The following DPCD variants were observed in gnomAD, a reference collection of about 807,000 sequenced individuals.
DPCD encodes the protein protein DPCD.
Under a neutral mutation model 26.4 loss-of-function variants are expected in DPCD, and 20 were observed. That is an observed-to-expected ratio of 0.76 (90% CI 0.53 to 1.10). The LOEUF is 1.10. Among genes scored for constraint, DPCD ranks in the 50% least tolerant of loss-of-function variants. The pLI is 0.00. For synonymous variants in DPCD, 97 were observed against 94.2 expected (o/e 1.03, Z -0.17); for missense variants, 202 against 253.9 (o/e 0.80, Z 1.39).
Position 101,597,617 on chromosome 10 carries a change from G to A in DPCD, c.145+2879G>A, listed in dbSNP as rs546577508. ...CACCTCCTTTATATATTCCCCATCAGACTCTTCACCGGGGTGGAAAGTCTC... is the reference window on the plus strand; with the variant it reads ...CACCTCCTTTATATATTCCCCATCAAACTCTTCACCGGGGTGGAAAGTCTC... On this transcript the variant is annotated intron_variant, in intron 2 of 5. Coordinates refer to ENST00000370151, the MANE Select transcript of DPCD (RefSeq NM_015448.3). Among the ~76,000 whole-genome samples the A allele has an allele frequency of 2.0e-3, 310 of 152,334 alleles. 3 individuals are homozygous for A. The highest frequency in any genetic ancestry group is 6.9e-3 in the African/African-American group (286 of 41,564).
intron 5 of DPCD, 194 bp downstream of exon 5, chr10:101,609,131 A>G (rs1421466957): frequency 6.2e-6 from 4 of 647,744 alleles, no homozygotes; most frequent in Non-Finnish European, 1.1e-5. Flanking sequence ...CATATAATTC[A>G]CAGCTAGAAG....
chr10:101,608,765 C>A, intron 4 of DPCD, 70 bp from the exon 5 acceptor site: 1 of 1,014,124 alleles, frequency 9.9e-7, no homozygotes, highest in Non-Finnish European at 1.6e-6. Flanking sequence ...AGCTAGGCAG[C>A]AGAGGGCCTG....
chr10:101,609,328 GT>G, intron 5 of DPCD, 38 bp from the exon 6 acceptor site: 1 of 1,603,836 alleles, frequency 6.2e-7, no homozygotes, highest in Non-Finnish European at 8.5e-7. Context: ...AGATGGGACA[GT>G]GACTGAATTA....
In DPCD at chr10:101,608,865, A is replaced by G; in HGVS notation, c.435A>G (p.Leu145=). The G allele has an allele frequency of 6.2e-7, 1 of 1,613,652 alleles. No homozygotes were observed. The highest frequency in any genetic ancestry group is 8.5e-7 in the Non-Finnish European group (1 of 1,179,804). Residue 145 remains leucine (L), a synonymous_variant, in exon 5 of 6, where the codon CTA becomes CTG. Transcript: ENST00000370151. The stretch of plus-strand genomic sequence containing the variant: ...ACAAGAAGTTCTCCATTCCTGATCT[A>G]GATAGACACCAGCTACCTCTGGATG... ...KYYKKFSIPD[L]DRHQLPLDDA...
At chr10:101,597,446 A>T (rs1564892836) in intron 2 of DPCD, among the ~76,000 whole-genome samples, 1 of 152,206 alleles carries the variant, frequency 6.6e-6, no homozygotes, top group Non-Finnish European at 1.5e-5. Flanking sequence ...AATTATCCAC[A>T]TTGGAAGTGG....
At chr10:101,597,033 C>T (rs920401616) in intron 2 of DPCD, among the ~76,000 whole-genome samples, 2 of 152,130 alleles carry the variant, frequency 1.3e-5, no homozygotes, top group Non-Finnish European at 2.9e-5. Context: ...TCCCACCCCC[C>T]ACAATGATTG....
intron 2 of DPCD, among the ~76,000 whole-genome samples, chr10:101,599,382 G>GA (rs560831339): frequency 4.4e-4 from 67 of 152,210 alleles, no homozygotes; most frequent in African/African-American, 1.5e-3. Context: ...ATTTGTGGGG[G>GA]AAAAAAGTTG....
chr10:101,600,675 G>A lies in DPCD; in HGVS notation c.146-63G>A. 1 of 1,567,930 alleles carries A rather than the reference G, an allele frequency of 6.4e-7. No individual in the cohort carries two copies. The highest frequency in any genetic ancestry group is 8.6e-7 in the Non-Finnish European group (1 of 1,158,460). On this transcript the variant is annotated intron_variant, in intron 2 of 5. Transcript: ENST00000370151. The surrounding 1 kb of genome is among the most constrained non-coding windows in gnomAD (Gnocchi z 4.7). ...CGGTGATTCAGCAGAAAAGAGCAGA[G>A]ACCCTCTCTTCACTCTCATCCTGAT...
At chr10:101,602,083 C>G (rs1433075360) in intron 4 of DPCD, among the ~76,000 whole-genome samples, 2 of 152,172 alleles carry the variant, frequency 1.3e-5, no homozygotes, top group African/African-American at 2.4e-5. Flanking sequence ...AGGGAATGAC[C>G]CTGAAATGAA....
rs1445830765 is a variant in DPCD, at chr10:101,600,250, A to G, written c.146-488A>G. Among the ~76,000 whole-genome samples the G allele has an allele frequency of 6.6e-6, 1 of 151,808 alleles. No homozygotes were observed. Among genetic ancestry groups the G allele is most frequent in the Non-Finnish European group, 1.5e-5 (1 of 67,936 alleles). On this transcript the variant is annotated intron_variant, in intron 2 of 5. Coordinates refer to ENST00000370151, the MANE Select transcript of DPCD (RefSeq NM_015448.3). This position sits in a 1 kb window ranked among gnomAD's most constrained non-coding sequence, Gnocchi z 4.7. ...GTATACCTGAAAAGAGTGAATTTCT[A>G]TATTTGGACTTTCTGAATCATGATA... is the stretch of plus-strand genomic sequence containing the variant.
intron 1 of DPCD, among the ~76,000 whole-genome samples, chr10:101,591,358 G>A (rs2063605517): frequency 6.6e-6 from 1 of 152,132 alleles, no homozygotes; most frequent in African/African-American, 2.4e-5. Context: ...TATTTTATCA[G>A]CCAGGATTTT....
intron 4 of DPCD, among the ~76,000 whole-genome samples, chr10:101,608,248 G>C (rs1168478666): frequency 1.3e-5 from 2 of 152,150 alleles, no homozygotes; most frequent in African/African-American, 4.8e-5. Context: ...TGAGTAACAT[G>C]GTTCGTCCTC....
intron 2 of DPCD, 100 bp downstream of exon 2, chr10:101,594,838 CAAAT>C: frequency 8.8e-7 from 1 of 1,141,636 alleles, no homozygotes; most frequent in Non-Finnish European, 1.3e-6. Flanking sequence ...GAGCCCAGAT[CAAAT>C]GTAGAGGCTG....
rs1207657692 is a variant in DPCD, at chr10:101,605,142, G to A, written c.405-3693G>A. On this transcript the variant is annotated intron_variant, in intron 4 of 5. Transcript: ENST00000370151. ...ATTTGCTTGCTGCTTTTCTAAAGGCGGACTGGTTGGAGGCTTCTCTGGACC... is the reference window on the plus strand; with the variant it reads ...ATTTGCTTGCTGCTTTTCTAAAGGCAGACTGGTTGGAGGCTTCTCTGGACC... The A allele has an allele frequency of 9.0e-6, 14 of 1,550,392 alleles. 1 individual carries two copies. Among genetic ancestry groups the A allele is most frequent in the South Asian group, 3.6e-5 (3 of 84,054 alleles).
At chr10:101,599,210 T>A (rs2063674906) in intron 2 of DPCD, among the ~76,000 whole-genome samples, 1 of 152,204 alleles carries the variant, frequency 6.6e-6, no homozygotes, top group Non-Finnish European at 1.5e-5. Flanking sequence ...GTAGGGTACA[T>A]GGATCTTTTC....
At chr10:101,608,005 T>C (rs1265732795) in intron 4 of DPCD, among the ~76,000 whole-genome samples, 1 of 152,168 alleles carries the variant, frequency 6.6e-6, no homozygotes, top group Admixed American at 6.5e-5. Flanking sequence ...AGATATTTCA[T>C]CTCTCTGAGC....
chr10:101,588,788 G>C (rs2063533568), intron 1 of DPCD: 1 of 618,178 alleles, frequency 1.6e-6, no homozygotes. Flanking sequence ...CTCTAGTTCC[G>C]ACTGTGCCAT....
rs536884510 is a variant in DPCD, at chr10:101,609,447, C to T, written c.588C>T (p.Asn196=). The change falls in exon 6 of 6, where the codon AAC becomes AAT. Residue 196 remains asparagine, a synonymous_variant. Coordinates refer to ENST00000370151, the MANE Select transcript of DPCD (RefSeq NM_015448.3). ...AGAAGGTGAAGACAGCCCACAGCAA[C>T]GATGGGGACTGCAAGACCCAGTAGT... ...ELKKVKTAHS[N]DGDCKTQ is the part of the protein sequence containing the mutation. The T allele has an allele frequency of 2.0e-5, 32 of 1,614,070 alleles. No individual in the cohort carries two copies. The East Asian group carries it at 2.5e-4, about 12-fold the overall frequency.
chr10:101,597,125 T>C (rs2063658363), intron 2 of DPCD, among the ~76,000 whole-genome samples: 1 of 152,186 alleles, frequency 6.6e-6, no homozygotes, highest in African/African-American at 2.4e-5. Context: ...GAACACAGCA[T>C]GTCCAAGGGG....
Sources: allele counts gnomAD v4.1 joint callset (sites outside exome capture counted in the v4.1 genomes callset), GRCh38; gene constraint gnomAD v4.1.1; non-coding constraint Gnocchi (gnomAD v3.1); transcripts MANE v1.5; gene names NCBI Gene and HGNC (gene_info 2026-07-23, HGNC 2026-07-21).